Variants in MAU2 observed in about 807,000 individuals in gnomAD.
MAU2 encodes the protein MAU2 sister chromatid cohesion factor, also known as MAU2 chromatid cohesion factor homolog.
A neutral mutation model predicts 89.1 loss-of-function variants in MAU2; 9 were observed. The observed-to-expected ratio is 0.10, with a 90% CI of 0.06 to 0.18. The LOEUF (loss-of-function observed/expected upper bound fraction) is 0.18. Ranked by LOEUF, MAU2 falls within the 10% of genes least tolerant of loss-of-function variation. The probability of loss-of-function intolerance (pLI) is 1.00; values close to 1 mark genes in which losing one functional copy is unlikely to be tolerated. For missense variants in MAU2, 425 were observed against 803.5 expected (o/e 0.53, Z 5.69); for synonymous variants, 357 against 343.4 (o/e 1.04, Z -0.44).
At chr19:19,326,717 T>TACAC (rs1568648715) in intron 1 of MAU2, among the ~76,000 whole-genome samples, 1 of 105,882 alleles carries the variant, frequency 9.4e-6, no homozygotes, top group African/African-American at 3.3e-5. Context: ...TATATATATA[T>TACAC]ATACATATAT....
chr19:19,339,908 C>T (rs1369861721), intron 5 of MAU2, among the ~76,000 whole-genome samples: 1 of 151,900 alleles, frequency 6.6e-6, no homozygotes, highest in Non-Finnish European at 1.5e-5. Context: ...GTGGCTCACA[C>T]CTGTAATCCC....
chr19:19,327,565 T>C (rs1042016734), intron 1 of MAU2, among the ~76,000 whole-genome samples: 6 of 151,830 alleles, frequency 4.0e-5, no homozygotes, highest in Admixed American at 3.9e-4. Context: ...GACCTCATGA[T>C]CCACCCGCCT....
intron 5 of MAU2, 39 bp from the exon 6 acceptor site, chr19:19,340,807 G>A (rs1178116953): frequency 1.2e-6 from 2 of 1,611,052 alleles, no homozygotes; most frequent in South Asian, 1.1e-5. Flanking sequence ...GGAGGCTCCT[G>A]GGCCTGCTAG....
At position 19,344,531 on chromosome 19, in the gene MAU2, C is replaced by T. The variant is rs181117988; in HGVS notation, c.1078-318C>T. The T allele has an allele frequency of 2.1e-3, 946 of 440,240 alleles. 5 individuals are homozygous for T. Among genetic ancestry groups the T allele is most frequent in the Middle Eastern group, 0.018 (29 of 1,598 alleles). The allele number at this position is 440,240 out of a possible 1,614,324, so 27.3% of individuals were successfully genotyped here. On this transcript the variant is annotated intron_variant, in intron 10 of 18. Coordinates refer to ENST00000262815, the MANE Select transcript of MAU2 (RefSeq NM_015329.4). ...TTGACAGTGATTGTTATACCCCACC[C>T]TGCCATTAGGAACACTCTACCCCCA...
rs1055043009 is a variant in MAU2 at position 19,345,185 on chromosome 19, G to A, written c.1156-119G>A. The stretch of plus-strand genomic sequence containing the variant: ...ATATTACCTGCCTTGCAGCTGGCTC[G>A]GTAGAGCCATTGTCATACTCCTCCA... On this transcript the variant is annotated intron_variant, in intron 11 of 18. Transcript: ENST00000262815. The surrounding 1 kb of genome is among the most constrained non-coding windows in gnomAD (Gnocchi z 4.9). 3.3e-5 allele frequency: 30 copies of A among 900,282 alleles called. No individual in the cohort carries two copies. Among genetic ancestry groups the A allele is most frequent in the East Asian group, 2.4e-4 (10 of 41,050 alleles). 55.8% of individuals were successfully genotyped at this position (900,282 alleles called of 1,614,324 possible). A position where few individuals can be genotyped will look rare whatever the true frequency, so the allele number is the denominator to read the frequency against.
At chr19:19,355,680 T>C in intron 18 of MAU2, 28 bp from the exon 19 acceptor site, 2 of 1,585,604 alleles carry the variant, frequency 1.3e-6, no homozygotes, top group Non-Finnish European at 8.6e-7. Flanking sequence ...CCACAGTGCC[T>C]CACTCGCATG....
At chr19:19,334,850 C>G (rs1201045465) in intron 1 of MAU2, among the ~76,000 whole-genome samples, 1 of 152,242 alleles carries the variant, frequency 6.6e-6, no homozygotes, top group Admixed American at 6.5e-5. Context: ...CTGCCCCATG[C>G]AGTCCTCCCA....
chr19:19,326,847 G>C (rs1176275777), intron 1 of MAU2, among the ~76,000 whole-genome samples: 1 of 149,586 alleles, frequency 6.7e-6, no homozygotes, highest in African/African-American at 2.5e-5. Context: ...AGCTGTGATC[G>C]TGCCACTGCA....
intron 1 of MAU2, among the ~76,000 whole-genome samples, chr19:19,325,539 G>A (rs1190959505): frequency 2.0e-5 from 3 of 151,992 alleles, no homozygotes; most frequent in Non-Finnish European, 4.4e-5. Flanking sequence ...GAGTGCAGTG[G>A]TGCGATTTCA....
chr19:19,358,612 CTT>C lies in MAU2; in HGVS notation c.*2833_*2834del, dbSNP rs2048204605. On this transcript the variant is annotated 3_prime_UTR_variant, in exon 19 of 19. Transcript: ENST00000262815. ...TTGTAACGGTTTTAGCAGCCTATAA[CTT>C]TTCAGCTGGTGCTTTTACTTAGGGA... 6.6e-6 allele frequency: 1 copy of C among 152,222 alleles called. No individual in the cohort carries two copies. The highest frequency in any genetic ancestry group is 2.1e-4 in the South Asian group (1 of 4,832). The allele number at this position is 152,222 out of a possible 1,614,324, so 9.4% of individuals were successfully genotyped here. A position where few individuals can be genotyped will look rare whatever the true frequency, so the allele number is the denominator to read the frequency against.
At chr19:19,341,662 C>T (rs1422082459) in intron 7 of MAU2, among the ~76,000 whole-genome samples, 2 of 152,220 alleles carry the variant, frequency 1.3e-5, no homozygotes, top group Admixed American at 6.5e-5. Context: ...TACACTCGCT[C>T]AGTGTATGGA....
At chr19:19,344,116 CAAAA>C (rs2061674691) in intron 10 of MAU2, 176 bp downstream of exon 10, 2 of 603,630 alleles carry the variant, frequency 3.3e-6, no homozygotes, top group Non-Finnish European at 5.9e-6. Context: ...GAATCTCATA[CAAAA>C]ACCAGTGGAG....
intron 16 of MAU2, among the ~76,000 whole-genome samples, chr19:19,350,018 G>T (rs1350620164): frequency 2.0e-5 from 3 of 147,678 alleles, no homozygotes; most frequent in Non-Finnish European, 3.0e-5. Flanking sequence ...ATTTTGGGCA[G>T]GCACAATGGC....
rs757681637 is a variant in MAU2 at position 19,335,497 on chromosome 19, C to T, written c.277-221C>T. Among the ~76,000 whole-genome samples the T allele has an allele frequency of 5.5e-4, 83 of 152,278 alleles. 1 individual carries two copies. The highest frequency in any genetic ancestry group is 7.2e-4 in the Admixed American group (11 of 15,286). On this transcript the variant is annotated intron_variant, in intron 1 of 18. Coordinates refer to ENST00000262815, the MANE Select transcript of MAU2 (RefSeq NM_015329.4). ...CCTCTGATGTCAGAAGGGCATGTCC[C>T]CTCCTGCCCAGGCACCCACTGGGGC...
chr19:19,327,555 G>T (rs1464788741), intron 1 of MAU2, among the ~76,000 whole-genome samples: 1 of 151,982 alleles, frequency 6.6e-6, no homozygotes, highest in Admixed American at 6.6e-5. Context: ...TTGATCTCCT[G>T]ACCTCATGAT....
intron 1 of MAU2, among the ~76,000 whole-genome samples, chr19:19,327,723 C>T (rs1401910172): frequency 6.6e-6 from 1 of 151,962 alleles, no homozygotes; most frequent in Non-Finnish European, 1.5e-5. Context: ...GTCTCGGTGA[C>T]TCTTGCCTCT....
rs756665849 is a variant in MAU2, at chr19:19,321,107, A to C, written c.248A>C (p.Glu83Ala). The stretch of plus-strand genomic sequence containing the variant: ...CTCTATCACCACACCAAGAACAGCG[A>C]GCAGGCGCGCAGCCACCTGGAGAAG... ...SVLYHHTKNS[E>A]QARSHLEKAW... Residue 83 changes from glutamate (E) to alanine (A), a missense_variant, in exon 1 of 19, where the codon GAG (glutamate) becomes GCG (alanine). By Grantham distance (107) the Glu-to-Ala change is moderately radical (BLOSUM62 -1). Around this residue, in one of 11 missense-constraint regions of MAU2, gnomAD observed 57 missense variants for 57.5 expected, o/e 0.99. Transcript: ENST00000262815. 1 of 1,601,132 alleles carries C rather than the reference A, an allele frequency of 6.2e-7. No individual in the cohort carries two copies. The highest frequency in any genetic ancestry group is 8.5e-7 in the Non-Finnish European group (1 of 1,174,690).
chr19:19,343,295 A>G (rs1404389423), intron 9 of MAU2, among the ~76,000 whole-genome samples: 1 of 152,214 alleles, frequency 6.6e-6, no homozygotes, highest in African/African-American at 2.4e-5. Context: ...AACCCAGAGC[A>G]GACGTCCCTG....
chr19:19,325,725 C>T (rs952405700), intron 1 of MAU2, among the ~76,000 whole-genome samples: 7 of 152,022 alleles, frequency 4.6e-5, no homozygotes, highest in South Asian at 4.1e-4. Flanking sequence ...GTGATCTGCC[C>T]GCCTCAGCCT....
Sources: allele counts gnomAD v4.1 joint callset (sites outside exome capture counted in the v4.1 genomes callset), GRCh38; gene constraint gnomAD v4.1.1; regional missense constraint gnomAD v4.1.1; non-coding constraint Gnocchi (gnomAD v3.1); transcripts MANE v1.5; gene names NCBI Gene and HGNC (gene_info 2026-07-23, HGNC 2026-07-21).